The following LPAR3 variants were observed in gnomAD, a reference collection of about 807,000 sequenced individuals.
LPAR3 encodes the protein LPA receptor 3.
A neutral mutation model predicts 17.8 loss-of-function variants in LPAR3; 7 were observed. That is an observed-to-expected ratio of 0.39 (90% CI 0.22 to 0.74). LPAR3 has a LOEUF of 0.74. Among genes scored for constraint, LPAR3 ranks in the 30% least tolerant of loss-of-function variants. The probability of loss-of-function intolerance (pLI) is 0.40; values close to 1 mark genes in which losing one functional copy is unlikely to be tolerated. For synonymous variants in LPAR3, 179 were observed against 179.9 expected, an observed-to-expected ratio of 0.99 and a Z score of 0.04; for missense variants, 391 against 453.4, an observed-to-expected ratio of 0.86 and a Z score of 1.25.
intron 2 of LPAR3, among the ~76,000 whole-genome samples, chr1:84,818,397 A>C (rs1658983170): frequency 6.6e-6 from 1 of 152,244 alleles, no homozygotes; most frequent in South Asian, 2.1e-4. Flanking sequence ...CATGACAAAA[A>C]AATCACGTCA....
At chr1:84,863,662 G>A (rs1179096761) in intron 2 of LPAR3, among the ~76,000 whole-genome samples, 3 of 152,072 alleles carry the variant, frequency 2.0e-5, no homozygotes, top group Admixed American at 6.5e-5. Context: ...TTTCCCCCCA[G>A]GACTCTCAAA....
chr1:84,850,393 C>CAAAAAAAAAAAA (rs561506398), intron 2 of LPAR3, among the ~76,000 whole-genome samples: 107 of 38,222 alleles, frequency 2.8e-3, no homozygotes, highest in Middle Eastern at 0.013. Flanking sequence ...TCTGTCTCTA[C>CAAAAAAAAAAAA]AAAAAAAAAA....
chr1:84,873,754 G>GT (rs774761348), intron 1 of LPAR3, among the ~76,000 whole-genome samples: 13,611 of 137,384 alleles, frequency 0.099, 693 homozygotes, highest in African/African-American at 0.13. Flanking sequence ...TGTTTTGCTT[G>GT]TTTGTTTTTT....
rs1160627340 is a variant in LPAR3, at chr1:84,813,487, T to C, written c.*359A>G. 1 of 200,112 alleles carries C rather than the reference T, an allele frequency of 5.0e-6. No individual in the cohort carries two copies. Among genetic ancestry groups the C allele is most frequent in the Non-Finnish European group, 1.0e-5 (1 of 95,884 alleles). The allele number at this position is 200,112 out of a possible 1,614,324, so 12.4% of individuals were successfully genotyped here. On this transcript the variant is annotated 3_prime_UTR_variant, in exon 3 of 3. Transcript: ENST00000370611. ...GCTATATAAGGTGGCTCAAGTAACA[T>C]TATGATTTATTTTGGTCTAAGCCCT...
chr1:84,811,954 T>G lies in LPAR3; in HGVS notation c.*1892A>C, dbSNP rs1019385618. On this transcript the variant is annotated 3_prime_UTR_variant, in exon 3 of 3. Coordinates refer to ENST00000370611, the MANE Select transcript of LPAR3 (RefSeq NM_012152.3). ...GAAACATCATTTTTTCTTTCTTAAC[T>G]ACTTGTCTTTCATGTTGCCTACTTA... 33 of 152,240 alleles carry G rather than the reference T, an allele frequency of 2.2e-4. 1 individual carries two copies. Among genetic ancestry groups the G allele is most frequent in the African/African-American group, 8.0e-4 (33 of 41,466 alleles). The allele number at this position is 152,240 out of a possible 1,614,324, so 9.4% of individuals were successfully genotyped here.
At chr1:84,814,259 A>G in intron 2 of LPAR3, 88 bp from the exon 3 acceptor site, 1 of 1,055,776 alleles carries the variant, frequency 9.5e-7, no homozygotes, top group Non-Finnish European at 1.4e-6. Context: ...AGCCAGTGGC[A>G]TCAAGGGGCC....
At chr1:84,845,758 TTTGA>T (rs1411338721) in intron 2 of LPAR3, among the ~76,000 whole-genome samples, 1 of 152,202 alleles carries the variant, frequency 6.6e-6, no homozygotes, top group Non-Finnish European at 1.5e-5. Context: ...AAATGCAGGC[TTTGA>T]TAAACTCAAC....
intron 1 of LPAR3, among the ~76,000 whole-genome samples, chr1:84,869,631 A>G (rs1660120789): frequency 6.6e-6 from 1 of 152,210 alleles, no homozygotes; most frequent in African/African-American, 2.4e-5. Context: ...GTAAATAGTT[A>G]AGAATGGTGG....
At chr1:84,829,844 A>G (rs1268856331) in intron 2 of LPAR3, among the ~76,000 whole-genome samples, 1 of 152,218 alleles carries the variant, frequency 6.6e-6, no homozygotes, top group African/African-American at 2.4e-5. Context: ...GGCAGAGGAC[A>G]TAAATAGAAC....
intron 2 of LPAR3, among the ~76,000 whole-genome samples, chr1:84,819,690 C>T (rs9324141): frequency 0.15 from 22,148 of 152,154 alleles, 2,224 homozygotes; most frequent in African/African-American, 0.26. Context: ...TGAGCACATA[C>T]GCAAAAATAA....
chr1:84,884,598 C>G (rs1014992715), intron 1 of LPAR3, among the ~76,000 whole-genome samples: 3 of 152,150 alleles, frequency 2.0e-5, no homozygotes, highest in African/African-American at 4.8e-5. Flanking sequence ...TCAGAGAAAG[C>G]TCAGAAGAAA....
At chr1:84,851,684 A>G (rs1177225297) in intron 2 of LPAR3, among the ~76,000 whole-genome samples, 4 of 152,348 alleles carry the variant, frequency 2.6e-5, no homozygotes, top group Admixed American at 2.6e-4. Flanking sequence ...GCCATGCTAC[A>G]GAAAACTTCG....
chr1:84,880,190 C>T (rs1057387699), intron 1 of LPAR3, among the ~76,000 whole-genome samples: 16 of 151,990 alleles, frequency 1.1e-4, no homozygotes, highest in African/African-American at 1.9e-4. Flanking sequence ...ATTAGCTGGG[C>T]GTGGTGGCAC....
At chr1:84,820,769 TG>T (rs1394425036) in intron 2 of LPAR3, among the ~76,000 whole-genome samples, 1 of 152,208 alleles carries the variant, frequency 6.6e-6, no homozygotes, top group Non-Finnish European at 1.5e-5. Flanking sequence ...GCATCTAGAA[TG>T]GTGTGAGTTA....
chr1:84,818,290 T>C (rs1382049440), intron 2 of LPAR3, among the ~76,000 whole-genome samples: 1 of 152,238 alleles, frequency 6.6e-6, no homozygotes, highest in Non-Finnish European at 1.5e-5. Flanking sequence ...ATAGGAATTA[T>C]CGTATTATGA....
intron 2 of LPAR3, among the ~76,000 whole-genome samples, chr1:84,831,526 T>C (rs1659282584): frequency 8.7e-6 from 1 of 115,454 alleles, no homozygotes; most frequent in Non-Finnish European, 2.0e-5. Context: ...ATTATATATA[T>C]ATCATCATAT....
At chr1:84,852,651 T>C (rs1570883939) in intron 2 of LPAR3, among the ~76,000 whole-genome samples, 1 of 151,740 alleles carries the variant, frequency 6.6e-6, no homozygotes, top group Admixed American at 6.6e-5. Flanking sequence ...CATGGAGGGG[T>C]TGGTTCAAGC....
chr1:84,875,142 C>T (rs768168017), intron 1 of LPAR3, among the ~76,000 whole-genome samples: 22 of 152,096 alleles, frequency 1.4e-4, no homozygotes, highest in Non-Finnish European at 2.2e-4. Context: ...TCAGATGATC[C>T]GCCTGTGTTG....
chr1:84,812,324 G>A lies in LPAR3; in HGVS notation c.*1522C>T, dbSNP rs1658829324. 6.6e-6 allele frequency: 1 copy of A among 152,012 alleles called. No homozygotes were observed. Among genetic ancestry groups the A allele is most frequent in the Non-Finnish European group, 1.5e-5 (1 of 68,058 alleles). The allele number at this position is 152,012 out of a possible 1,614,324, so 9.4% of individuals were successfully genotyped here. ...TCTAGTCCTAGACTGGAAAGTCTAG[G>A]TGGCCCGTGAATTGATTTCACCTTC... On this transcript the variant is annotated 3_prime_UTR_variant, in exon 3 of 3. Transcript: ENST00000370611.
Sources: gnomAD v4.1 joint callset for allele counts (sites outside exome capture counted in the v4.1 genomes callset) on GRCh38, gnomAD v4.1.1 for gene constraint, MANE v1.5 for transcripts, NCBI Gene and HGNC (gene_info 2026-07-23, HGNC 2026-07-21) for gene names.